The following IFNAR2 variants were observed in gnomAD, a reference collection of about 807,000 sequenced individuals.
IFNAR2 encodes interferon alpha and beta receptor subunit 2.
In IFNAR2, 30 loss-of-function variants were observed where a neutral mutation model predicts 49.4. The observed-to-expected ratio is 0.61, with a 90% CI of 0.45 to 0.82. The LOEUF (loss-of-function observed/expected upper bound fraction) is 0.82, where lower values mean the gene tolerates loss of function less well. IFNAR2 is among the 40% of genes least tolerant of loss of function. The pLI, the probability that IFNAR2 is intolerant of heterozygous loss-of-function variation, is 0.00. For missense variants in IFNAR2, 600 were observed against 622.7 expected, an observed-to-expected ratio of 0.96 and a Z score of 0.39; for synonymous variants, 224 against 234.5, an observed-to-expected ratio of 0.96 and a Z score of 0.41.
intron 1 of IFNAR2, among the ~76,000 whole-genome samples, chr21:33,232,528 ATTTG>A (rs972969441): frequency 9.2e-5 from 14 of 152,018 alleles, no homozygotes; most frequent in Non-Finnish European, 2.1e-4. Context: ...ATTGGTTTTC[ATTTG>A]TTTGTTTTTA....
At chr21:33,236,729 G>A (rs1392046201) in intron 1 of IFNAR2, 7 of 985,262 alleles carry the variant, frequency 7.1e-6, no homozygotes, top group Non-Finnish European at 8.4e-6. Flanking sequence ...GGATCCAAGT[G>A]TGAGCTGGGG....
At chr21:33,238,670 T>TG (rs1005279159) in intron 1 of IFNAR2, among the ~76,000 whole-genome samples, 11 of 135,102 alleles carry the variant, frequency 8.1e-5, no homozygotes, top group South Asian at 2.8e-4. Context: ...GGTGTTTTTT[T>TG]GGGGGGGTTG....
chr21:33,233,225 G>GA (rs1986191317), intron 1 of IFNAR2, among the ~76,000 whole-genome samples: 1 of 152,088 alleles, frequency 6.6e-6, no homozygotes. Flanking sequence ...TTTAATAGAA[G>GA]AAAGCCCAGT....
rs894506135 is a variant in IFNAR2 at position 33,264,652 on chromosome 21, A to C, written c.*1152A>C. Reference sequence around the variant, plus strand: ...AGTCGAGTGTGTCAGCTGTGATTACAGTGCCTGTGGATCTAGGCCGGGTTG... The same window carrying C: ...AGTCGAGTGTGTCAGCTGTGATTACCGTGCCTGTGGATCTAGGCCGGGTTG... On this transcript the variant is annotated 3_prime_UTR_variant, in exon 9 of 9. Coordinates refer to ENST00000342136, the MANE Select transcript of IFNAR2 (RefSeq NM_001289125.3). The C allele has an allele frequency of 3.6e-5, 5 of 138,696 alleles. No individual in the cohort carries two copies. The highest frequency in any genetic ancestry group is 7.7e-5 in the Non-Finnish European group (5 of 64,566). The allele number at this position is 138,696 out of a possible 1,614,324, so 8.6% of individuals were successfully genotyped here.
intron 1 of IFNAR2, chr21:33,234,811 T>A (rs1447340776): frequency 2.6e-5 from 24 of 914,168 alleles, no homozygotes; most frequent in Non-Finnish European, 3.1e-5. Flanking sequence ...CAGGATGGAA[T>A]TAAAGAGCAA....
intron 1 of IFNAR2, among the ~76,000 whole-genome samples, chr21:33,240,465 C>T (rs759166409): frequency 6.6e-6 from 1 of 152,282 alleles, no homozygotes; most frequent in Non-Finnish European, 1.5e-5. Context: ...TCTCAGAACA[C>T]AGCACTGTTC....
rs1988836513 is a variant in IFNAR2 at position 33,264,325 on chromosome 21, GT to G, written c.*828del. The G allele has an allele frequency of 6.6e-6, 1 of 152,168 alleles. No homozygotes were observed. Among genetic ancestry groups the G allele is most frequent in the African/African-American group, 2.4e-5 (1 of 41,422 alleles). The allele number at this position is 152,168 out of a possible 1,614,324, so 9.4% of individuals were successfully genotyped here. A position where few individuals can be genotyped will look rare whatever the true frequency, so the allele number is the denominator to read the frequency against. On this transcript the variant is annotated 3_prime_UTR_variant, in exon 9 of 9. Transcript: ENST00000342136. ...AAGGAAACAGGGAAGAGCCATCGAA[GT>G]TTCAGTCGGTGAGCCTTGGGCACCT...
intron 6 of IFNAR2, among the ~76,000 whole-genome samples, chr21:33,249,510 C>A (rs924469572): frequency 6.6e-6 from 1 of 152,092 alleles, no homozygotes; most frequent in Non-Finnish European, 1.5e-5. Flanking sequence ...AAGCATCTGT[C>A]GCTGCCTCTC....
In IFNAR2 at chr21:33,265,489, G is replaced by C. The variant is rs1381905702; in HGVS notation, c.*1989G>C. 1.3e-5 allele frequency: 2 copies of C among 155,414 alleles called. No homozygotes were observed. Among genetic ancestry groups the C allele is most frequent in the East Asian group, 3.8e-4 (2 of 5,222 alleles). 9.6% of individuals were successfully genotyped at this position (155,414 alleles called of 1,614,324 possible). ...ATAGGAAAGAGGCCTTTTGTATATT[G>C]AATCAATTTATCTGCCTTCTCAGTG... On this transcript the variant is annotated 3_prime_UTR_variant, in exon 9 of 9. Transcript: ENST00000342136.
At chr21:33,234,127 TAAC>T (rs1320166422) in intron 1 of IFNAR2, among the ~76,000 whole-genome samples, 1 of 151,894 alleles carries the variant, frequency 6.6e-6, no homozygotes, top group African/African-American at 2.4e-5. Context: ...ATTTAAATTT[TAAC>T]AACTCCTTTG....
At chr21:33,248,361 GAA>G in intron 5 of IFNAR2, among the ~76,000 whole-genome samples, 1 of 106,940 alleles carries the variant, frequency 9.4e-6, no homozygotes, top group African/African-American at 3.7e-5. Flanking sequence ...AAGAAAGAGA[GAA>G]AGAAAGAAAG....
intron 3 of IFNAR2, among the ~76,000 whole-genome samples, chr21:33,244,549 G>A (rs533577929): frequency 6.6e-6 from 1 of 152,194 alleles, no homozygotes; most frequent in Non-Finnish European, 1.5e-5. Flanking sequence ...TCATGGAGGA[G>A]CTGGGAGCAG....
At chr21:33,245,185 T>G in intron 4 of IFNAR2, 111 bp downstream of exon 4, 1 of 760,528 alleles carries the variant, frequency 1.3e-6, no homozygotes, top group Non-Finnish European at 2.2e-6. Flanking sequence ...CCTATCTACC[T>G]CTCCTTCTCT....
intron 3 of IFNAR2, among the ~76,000 whole-genome samples, chr21:33,244,161 C>A (rs1568883049): frequency 6.6e-6 from 1 of 152,144 alleles, no homozygotes; most frequent in Non-Finnish European, 1.5e-5. Context: ...ATGTGTCCAA[C>A]CTTGTGCTAA....
In IFNAR2 at chr21:33,241,910, A is replaced by G. The variant is rs769476631; in HGVS notation, c.-13A>G. 92 of 1,611,574 alleles carry G rather than the reference A, an allele frequency of 5.7e-5. 1 individual carries two copies. Among genetic ancestry groups the G allele is most frequent in the South Asian group, 3.2e-4 (29 of 90,820 alleles). On this transcript the variant is annotated 5_prime_UTR_variant, in exon 2 of 9. The change abolishes the stop of an existing upstream ORF in the 5' untranslated region. Coordinates refer to ENST00000342136, the MANE Select transcript of IFNAR2 (RefSeq NM_001289125.3). ...GATGTAAAAGTCAAGAGAAGACTCT[A>G]AAAATAGCAAAGATGCTTTTGAGCC...
intron 7 of IFNAR2, among the ~76,000 whole-genome samples, chr21:33,255,654 C>T (rs982496706): frequency 3.3e-5 from 5 of 152,170 alleles, no homozygotes; most frequent in African/African-American, 1.2e-4. Flanking sequence ...CTCCCCAACC[C>T]TTGGTGTTCA....
At position 33,230,719 on chromosome 21, in the gene IFNAR2, C is replaced by T. The variant is rs998511999; in HGVS notation, c.-84+503C>T. 1.3e-5 allele frequency among the ~76,000 whole-genome samples: 2 copies of T among 152,158 alleles called. No individual in the cohort carries two copies. Among genetic ancestry groups the T allele is most frequent in the African/African-American group, 4.8e-5 (2 of 41,440 alleles). On this transcript the variant is annotated intron_variant, in intron 1 of 8. Transcript: ENST00000342136. The surrounding 1 kb of genome is among the most constrained non-coding windows in gnomAD (Gnocchi z 5.5). ...CCTGCGTCAGGGTCACAGACTGCAG[C>T]CGGGGCTGGAGCGGCCTACACCCCT...
intron 7 of IFNAR2, among the ~76,000 whole-genome samples, chr21:33,258,165 C>T (rs373903482): frequency 6.6e-6 from 1 of 152,048 alleles, no homozygotes; most frequent in African/African-American, 2.4e-5. Context: ...ATTAGCCAGG[C>T]GTGGTGGCAT....
At chr21:33,234,492 C>T (rs1007683310) in intron 1 of IFNAR2, among the ~76,000 whole-genome samples, 1 of 152,086 alleles carries the variant, frequency 6.6e-6, no homozygotes, top group African/African-American at 2.4e-5. Context: ...TTCATTGCCT[C>T]CTTGACAATG....
Sources: gnomAD v4.1 joint callset for allele counts (sites outside exome capture counted in the v4.1 genomes callset) on GRCh38, gnomAD v4.1.1 for gene constraint, Gnocchi (gnomAD v3.1) non-coding constraint, MANE v1.5 for transcripts, NCBI Gene and HGNC (gene_info 2026-07-23, HGNC 2026-07-21) for gene names.